RBFOX1: variants seen among roughly 807,000 people sequenced by gnomAD.
RBFOX1 encodes RNA binding fox-1 homolog 1.
Under a neutral mutation model 57.7 loss-of-function variants are expected in RBFOX1, and 8 were observed. The observed-to-expected ratio is 0.14, with a 90% CI of 0.08 to 0.25. The LOEUF (loss-of-function observed/expected upper bound fraction) is 0.25, where lower values mean the gene tolerates loss of function less well. RBFOX1 is among the 10% of genes least tolerant of loss of function. RBFOX1 has a pLI of 1.00. For missense variants in RBFOX1, 611 were observed against 548.5 expected (o/e 1.11, Z -1.14); for synonymous variants, 326 against 222.4 (o/e 1.47, Z -4.15).
intron 1 of RBFOX1, among the ~76,000 whole-genome samples, chr16:6,187,373 A>C (rs973043558): frequency 1.3e-5 from 2 of 152,146 alleles, no homozygotes; most frequent in Non-Finnish European, 2.9e-5. Context: ...CAACACCCCT[A>C]GATGTGACGA....
intron 1 of RBFOX1, among the ~76,000 whole-genome samples, chr16:6,089,433 A>G (rs1220182619): frequency 6.6e-6 from 1 of 152,220 alleles, no homozygotes; most frequent in Non-Finnish European, 1.5e-5. Context: ...TGGTCGGCAT[A>G]TACACAGAGG....
chr16:7,523,631 C>T (rs1264583142), intron 5 of RBFOX1, among the ~76,000 whole-genome samples: 1 of 152,178 alleles, frequency 6.6e-6, no homozygotes, highest in African/African-American at 2.4e-5. Flanking sequence ...AAAGGAAAGA[C>T]AGCCATTAGG....
At chr16:6,417,174 G>A (rs1275474198) in intron 2 of RBFOX1, among the ~76,000 whole-genome samples, 1 of 151,956 alleles carries the variant, frequency 6.6e-6, no homozygotes, top group Non-Finnish European at 1.5e-5. Flanking sequence ...ACCATGCCCA[G>A]TAAACTTTTG....
intron 4 of RBFOX1, among the ~76,000 whole-genome samples, chr16:7,171,368 C>A (rs2080668050): frequency 6.6e-6 from 1 of 152,200 alleles, no homozygotes; most frequent in Non-Finnish European, 1.5e-5. Flanking sequence ...GCACTTGACA[C>A]ATAGTATTTT....
At chr16:5,855,588 G>T (rs1444958143) in intron 3 of RBFOX1, among the ~76,000 whole-genome samples, 1 of 152,078 alleles carries the variant, frequency 6.6e-6, no homozygotes. Context: ...CTTTATGTCT[G>T]TTTTTTGCTG....
chr16:6,476,940 TTC>T (rs2095282622), intron 2 of RBFOX1, among the ~76,000 whole-genome samples: 1 of 152,208 alleles, frequency 6.6e-6, no homozygotes, highest in South Asian at 2.1e-4. Flanking sequence ...TAGATGTAGA[TTC>T]CATCTCAAGG....
intron 3 of RBFOX1, among the ~76,000 whole-genome samples, chr16:6,999,529 G>A (rs988665267): frequency 1.6e-4 from 25 of 151,574 alleles, no homozygotes; most frequent in African/African-American, 2.2e-4. Context: ...GTTTTATTAT[G>A]AAAAATTTCA....
intron 4 of RBFOX1, among the ~76,000 whole-genome samples, chr16:7,281,409 C>A (rs1195614938): frequency 1.3e-5 from 2 of 151,878 alleles, no homozygotes; most frequent in Non-Finnish European, 2.9e-5. Flanking sequence ...TGACTTTGTG[C>A]AAAACACTTG....
At chr16:7,486,353 G>A (rs989676578) in intron 4 of RBFOX1, among the ~76,000 whole-genome samples, 9 of 151,666 alleles carry the variant, frequency 5.9e-5, no homozygotes, top group Non-Finnish European at 1.0e-4. Context: ...GGCTGGTCTC[G>A]AACACCTGAC....
intron 1 of RBFOX1, among the ~76,000 whole-genome samples, chr16:5,426,653 C>T (rs1371649501): frequency 6.6e-6 from 1 of 152,170 alleles, no homozygotes; most frequent in Non-Finnish European, 1.5e-5. Context: ...CTGTTTCCTA[C>T]TAAAATTGAC....
intron 4 of RBFOX1, among the ~76,000 whole-genome samples, chr16:5,888,299 C>T (rs940187243): frequency 6.6e-6 from 1 of 152,204 alleles, no homozygotes; most frequent in Non-Finnish European, 1.5e-5. Flanking sequence ...CCTCATTATC[C>T]ATCCCAAAGT....
At chr16:6,659,289 G>T (rs2098686217) in intron 3 of RBFOX1, among the ~76,000 whole-genome samples, 1 of 151,974 alleles carries the variant, frequency 6.6e-6, no homozygotes, top group African/African-American at 2.4e-5. Context: ...GCCTGGCCTG[G>T]TGCAGCTAAA....
chr16:7,308,128 A>G (rs1006273309), intron 4 of RBFOX1, among the ~76,000 whole-genome samples: 6 of 152,194 alleles, frequency 3.9e-5, no homozygotes, highest in African/African-American at 4.8e-5. Context: ...ACACACATGC[A>G]TGGACACACA....
At chr16:5,308,861 C>T (rs2064008104) in intron 1 of RBFOX1, among the ~76,000 whole-genome samples, 1 of 152,122 alleles carries the variant, frequency 6.6e-6, no homozygotes, top group Non-Finnish European at 1.5e-5. Flanking sequence ...ATTTGCACGG[C>T]ACCGCTGTTG....
chr16:6,850,386 T>G (rs36112883), intron 3 of RBFOX1, among the ~76,000 whole-genome samples: 48,314 of 151,904 alleles, frequency 0.32, 8,078 homozygotes, highest in East Asian at 0.54. Flanking sequence ...CTTAGGTAGG[T>G]TGGTCCTGGA....
chr16:6,683,520 A>G (rs938793968), intron 3 of RBFOX1, among the ~76,000 whole-genome samples: 6 of 152,226 alleles, frequency 3.9e-5, no homozygotes, highest in African/African-American at 1.4e-4. Context: ...AAAACTATAT[A>G]TATATGTATA....
intron 1 of RBFOX1, among the ~76,000 whole-genome samples, chr16:6,167,474 C>G (rs1267816602): frequency 1.3e-5 from 2 of 152,104 alleles, no homozygotes; most frequent in African/African-American, 4.8e-5. Flanking sequence ...AACATTTTTT[C>G]CACTGTTTCA....
intron 1 of RBFOX1, among the ~76,000 whole-genome samples, chr16:6,295,117 T>G (rs112465086): frequency 0.24 from 34,763 of 146,370 alleles, 4,484 homozygotes; most frequent in South Asian, 0.26. Flanking sequence ...TTTTTTTTTT[T>G]TTTTTTTTTG....
intron 2 of RBFOX1, among the ~76,000 whole-genome samples, chr16:6,653,472 C>A (rs916477551): frequency 1.3e-5 from 2 of 152,090 alleles, no homozygotes; most frequent in Non-Finnish European, 2.9e-5. Context: ...GCTTGTGGGA[C>A]TGTGTCTGTC....
Sources: allele counts gnomAD v4.1 joint callset (sites outside exome capture counted in the v4.1 genomes callset), GRCh38; gene constraint gnomAD v4.1.1; transcripts MANE v1.5; gene names NCBI Gene and HGNC (gene_info 2026-07-23, HGNC 2026-07-21).